FIRRM: variants seen among roughly 807,000 people sequenced by gnomAD.
FIRRM encodes FIGNL1-interacting regulator of recombination and mitosis.
chr1:169,795,639 T>A, the FIRRM span: 1 of 992,980 alleles, frequency 1.0e-6, no homozygotes, highest in East Asian at 1.1e-4. Context: ...AGCTTTTGTC[T>A]CCCGTAAAAA....
At chr1:169,789,504 A>G in the FIRRM span, among the ~76,000 whole-genome samples, 1 of 152,242 alleles carries the variant, frequency 6.6e-6, no homozygotes. Context: ...TCTGTGGGAC[A>G]TGAAAACTGG....
At chr1:169,850,426 G>A in the FIRRM span, 2 of 923,740 alleles carry the variant, frequency 2.2e-6, no homozygotes, top group South Asian at 1.5e-5. Context: ...ACCAACCTGA[G>A]TGTCTTCTTA....
chr1:169,805,820 A>G, the FIRRM span, among the ~76,000 whole-genome samples: 2 of 152,200 alleles, frequency 1.3e-5, no homozygotes, highest in Non-Finnish European at 2.9e-5. Context: ...ATTTATAAAA[A>G]CCATTAACAA....
the FIRRM span, among the ~76,000 whole-genome samples, chr1:169,826,572 A>T: frequency 4.6e-5 from 7 of 151,716 alleles, no homozygotes; most frequent in Admixed American, 4.6e-4. Flanking sequence ...CATGTTGGCA[A>T]GGCTGGTCTT....
the FIRRM span, among the ~76,000 whole-genome samples, chr1:169,847,526 T>C: frequency 2.6e-5 from 4 of 152,170 alleles, no homozygotes; most frequent in African/African-American, 9.7e-5. Context: ...GATTGTCTTA[T>C]TTAAATTCTA....
the FIRRM span, among the ~76,000 whole-genome samples, chr1:169,840,256 GA>G: frequency 6.6e-6 from 1 of 152,094 alleles, no homozygotes; most frequent in Admixed American, 6.5e-5. Context: ...CTAATTCTGT[GA>G]AAAATGGTGT....
At chr1:169,829,572 A>G in the FIRRM span, 1 of 879,430 alleles carries the variant, frequency 1.1e-6, no homozygotes, top group Non-Finnish European at 1.6e-6. Flanking sequence ...AGTGAAACTT[A>G]GTTGTGTCCT....
the FIRRM span, among the ~76,000 whole-genome samples, chr1:169,811,865 TAGATTAGA>T: frequency 7.0e-6 from 1 of 142,716 alleles, no homozygotes; most frequent in East Asian, 3.2e-4. Context: ...AATAGATAGA[TAGATTAGA>T]TAGATAGATA....
chr1:169,816,523 A>T, the FIRRM span, among the ~76,000 whole-genome samples: 4 of 152,234 alleles, frequency 2.6e-5, no homozygotes, highest in African/African-American at 2.4e-5. Flanking sequence ...TGGTCTGATT[A>T]TCTGTATAAA....
the FIRRM span, chr1:169,785,042 C>G: frequency 6.6e-6 from 1 of 152,158 alleles, no homozygotes; most frequent in Non-Finnish European, 1.5e-5. Context: ...GGAAGTGGCA[C>G]CTGGGAGGGT....
chr1:169,844,704 A>AT, the FIRRM span, among the ~76,000 whole-genome samples: 1 of 152,234 alleles, frequency 6.6e-6, no homozygotes, highest in South Asian at 2.1e-4. Flanking sequence ...GAATGCAACA[A>AT]TTTGATTCTG....
chr1:169,848,041 AC>A, the FIRRM span, among the ~76,000 whole-genome samples: 2 of 152,260 alleles, frequency 1.3e-5, no homozygotes, highest in African/African-American at 4.8e-5. Context: ...GCTGTAGTCT[AC>A]CATATTAGAT....
At chr1:169,829,412 T>G in the FIRRM span, 1 of 1,613,412 alleles carries the variant, frequency 6.2e-7, no homozygotes, top group African/African-American at 1.3e-5. Context: ...CTGTGTACAT[T>G]TATTACTTCC....
the FIRRM span, chr1:169,792,548 T>G: frequency 6.8e-7 from 1 of 1,479,802 alleles, no homozygotes; most frequent in South Asian, 1.5e-5. Context: ...CTTCTGTTTA[T>G]TTCATTTTGG....
the FIRRM span, among the ~76,000 whole-genome samples, chr1:169,840,518 T>A: frequency 6.6e-6 from 1 of 151,430 alleles, no homozygotes; most frequent in African/African-American, 2.4e-5. Flanking sequence ...TTTCTTTTTT[T>A]TTTTTTTGTT....
At chr1:169,793,429 C>T in the FIRRM span, 1 of 1,614,176 alleles carries the variant, frequency 6.2e-7, no homozygotes, top group South Asian at 1.1e-5. Flanking sequence ...TTCCATGTGG[C>T]TCCAAGTTCC....
chr1:169,819,108 G>A, the FIRRM span, among the ~76,000 whole-genome samples: 4 of 152,148 alleles, frequency 2.6e-5, no homozygotes, highest in African/African-American at 4.8e-5. Flanking sequence ...AAATAGATCC[G>A]CCAAAATTAA....
At chr1:169,799,734 T>G in the FIRRM span, among the ~76,000 whole-genome samples, 1 of 152,120 alleles carries the variant, frequency 6.6e-6, no homozygotes, top group Non-Finnish European at 1.5e-5. Flanking sequence ...GTATTTTTAG[T>G]AGAGATGGGG....
the FIRRM span, chr1:169,852,578 A>G: frequency 7.0e-6 from 4 of 573,016 alleles, no homozygotes; most frequent in South Asian, 2.2e-5. Flanking sequence ...ACAAACTAAG[A>G]CACTGGTAGT....
Sources: gnomAD v4.1 joint callset for allele counts (sites outside exome capture counted in the v4.1 genomes callset) on GRCh38, gnomAD v4.1.1 for gene constraint, MANE v1.5 for transcripts, NCBI Gene and HGNC (gene_info 2026-07-23, HGNC 2026-07-21) for gene names.